The following HDAC5 variants were observed in gnomAD, a reference collection of about 807,000 sequenced individuals.
HDAC5 encodes antigen NY-CO-9.
A neutral mutation model predicts 133.3 loss-of-function variants in HDAC5; 25 were observed. The observed-to-expected ratio is 0.19, with a 90% CI of 0.14 to 0.26. The LOEUF (loss-of-function observed/expected upper bound fraction) is 0.26. Among genes scored for constraint, HDAC5 ranks in the 10% least tolerant of loss-of-function variants. HDAC5 has a pLI of 1.00. For synonymous variants in HDAC5, 589 were observed against 610.8 expected (o/e 0.96, Z 0.53); for missense variants, 1,041 against 1,460.5 (o/e 0.71, Z 4.68).
intron 3 of HDAC5, among the ~76,000 whole-genome samples, chr17:44,103,544 G>C (rs2051747019): frequency 6.6e-6 from 1 of 152,146 alleles, no homozygotes; most frequent in Admixed American, 6.5e-5. Context: ...CCAACACCCA[G>C]GGTAGTTAGG....
intron 2 of HDAC5, among the ~76,000 whole-genome samples, chr17:44,114,447 G>T (rs577015389): frequency 2.6e-4 from 40 of 152,280 alleles, no homozygotes; most frequent in East Asian, 2.1e-3. Flanking sequence ...TGGGGGGGGG[G>T]GGCTGCTGCC....
chr17:44,088,400 AGCT>A lies in HDAC5; in HGVS notation c.1583_1585del (p.Gln528del). The A allele has an allele frequency of 1.3e-6, 2 of 1,553,670 alleles. No individual in the cohort carries two copies. Among genetic ancestry groups the A allele is most frequent in the Non-Finnish European group, 8.7e-7 (1 of 1,149,336 alleles). On this transcript the variant is annotated inframe_deletion, in exon 12 of 27. Coordinates refer to ENST00000682912, the MANE Select transcript of HDAC5 (RefSeq NM_005474.5). Reference sequence around the variant, plus strand: ...TTCCAGGCTCACCTTGCCCAGCTGTAGCTGCTGCTGCTTCTGCTTCTCCAGGAA... The same window carrying A: ...TTCCAGGCTCACCTTGCCCAGCTGTAGCTGCTGCTTCTGCTTCTCCAGGAA...
rs1302005177 is a variant in HDAC5 at position 44,078,035 on chromosome 17, C to T, written c.*341G>A. ...ACCGACTTCCCGTTCCCTCCTCACT[C>T]GGGGGGCCCCAGAACTGGAGAGTAC... On this transcript the variant is annotated 3_prime_UTR_variant, in exon 27 of 27. Coordinates refer to ENST00000682912, the MANE Select transcript of HDAC5 (RefSeq NM_005474.5). 4.5e-5 allele frequency: 11 copies of T among 244,074 alleles called. No homozygotes were observed. The highest frequency in any genetic ancestry group is 7.5e-5 in the East Asian group (1 of 13,384). 15.1% of individuals were successfully genotyped at this position (244,074 alleles called of 1,614,324 possible). A position where few individuals can be genotyped will look rare whatever the true frequency, so the allele number is the denominator to read the frequency against.
chr17:44,120,961 G>A lies in HDAC5; in HGVS notation c.-190+2543C>T, dbSNP rs116015523. Among the ~76,000 whole-genome samples the A allele has an allele frequency of 6.9e-3, 1,052 of 152,140 alleles. 13 individuals are homozygous for A. The highest frequency in any genetic ancestry group is 0.023 in the African/African-American group (969 of 41,498). On this transcript the variant is annotated intron_variant, in intron 1 of 26. Coordinates refer to ENST00000682912, the MANE Select transcript of HDAC5 (RefSeq NM_005474.5). ...CTTGGATGTCCAGGCCCCAAACCAG[G>A]GAAAGGGGGAGGGTGACAGGGAAGG...
intron 20 of HDAC5, chr17:44,082,158 T>C (rs2143059157): frequency 6.0e-6 from 1 of 167,084 alleles, no homozygotes; most frequent in South Asian, 1.6e-4. Flanking sequence ...AACAACACCT[T>C]TGTTCACAGA....
chr17:44,109,097 C>T (rs901909030), intron 3 of HDAC5, among the ~76,000 whole-genome samples: 13 of 152,220 alleles, frequency 8.5e-5, no homozygotes, highest in Non-Finnish European at 1.8e-4. Context: ...GGTGAATGAA[C>T]AAGCTGAGGA....
In HDAC5 at chr17:44,123,556, G is replaced by A. The variant is rs1462525584; in HGVS notation, c.-242C>T. On this transcript the variant is annotated 5_prime_UTR_variant, in exon 1 of 27. Transcript: ENST00000682912. Reference sequence around the variant, plus strand: ...GGGCGGCGGCGGCAGCAGCGGCGGCGGCAGCGGCGGCAGCACCTCCTCGAC... The same window carrying A: ...GGGCGGCGGCGGCAGCAGCGGCGGCAGCAGCGGCGGCAGCACCTCCTCGAC... 4 of 401,360 alleles carry A rather than the reference G, an allele frequency of 1.0e-5. No homozygotes were observed. The highest frequency in any genetic ancestry group is 8.8e-5 in the Admixed American group (2 of 22,654). The allele number at this position is 401,360 out of a possible 1,614,324, so 24.9% of individuals were successfully genotyped here.
In HDAC5 at chr17:44,080,683, T is replaced by C. The variant is rs1038712193; in HGVS notation, c.2727+80A>G. Reference sequence around the variant, plus strand: ...CCAGGTACCAACACCACCATGGGCCTCCGTGGCTCCCCGCCAGGTCCCATT... The same window carrying C: ...CCAGGTACCAACACCACCATGGGCCCCCGTGGCTCCCCGCCAGGTCCCATT... On this transcript the variant is annotated intron_variant, in intron 21 of 26. Transcript: ENST00000682912. 2.5e-6 allele frequency: 4 copies of C among 1,593,428 alleles called. No individual in the cohort carries two copies. The African/African-American group carries it at 5.4e-5, about 21-fold the overall frequency.
Position 44,091,777 on chromosome 17 carries a change from G to A in HDAC5, c.1087C>T (p.Leu363Phe), listed in dbSNP as rs757894021. The A allele has an allele frequency of 6.2e-7, 1 of 1,602,214 alleles. No homozygotes were observed. Among genetic ancestry groups the A allele is most frequent in the South Asian group, 1.1e-5 (1 of 89,284 alleles). Residue 363 changes from leucine (L) to phenylalanine (F), a missense_variant, in exon 10 of 27, where the codon CTC becomes TTC. This residue lies in a region of HDAC5 where 433 missense variants were observed against 531.6 expected (regional missense o/e 0.81). Transcript: ENST00000682912. Reference protein sequence around the residue: ...PLDSSPNQFSLYTSPSLPNIS... With the variant: ...PLDSSPNQFSFYTSPSLPNIS... ...TTGGGCAGAGAAGGAGACGTGTAGAGGCTGAACTGGTTGGGGGAGCTGTCC... is the reference window on the plus strand; with the variant it reads ...TTGGGCAGAGAAGGAGACGTGTAGAAGCTGAACTGGTTGGGGGAGCTGTCC...
Position 44,117,317 on chromosome 17 carries a change from C to T in HDAC5, c.22+177G>A, listed in dbSNP as rs1359228133. 6.6e-6 allele frequency among the ~76,000 whole-genome samples: 1 copy of T among 152,202 alleles called. No homozygotes were observed. The highest frequency in any genetic ancestry group is 1.5e-5 in the Non-Finnish European group (1 of 68,040). The stretch of plus-strand genomic sequence containing the variant: ...CCCAGGACCAGACCGGACCATCGAT[C>T]CCTCGATTCCCAGGTCTACCTCATG... On this transcript the variant is annotated intron_variant, in intron 2 of 26. Coordinates refer to ENST00000682912, the MANE Select transcript of HDAC5 (RefSeq NM_005474.5). The surrounding 1 kb of genome is among the most constrained non-coding windows in gnomAD (Gnocchi z 4.2).
intron 2 of HDAC5, among the ~76,000 whole-genome samples, chr17:44,112,933 T>A (rs1386503642): frequency 6.6e-6 from 1 of 152,082 alleles, no homozygotes; most frequent in Non-Finnish European, 1.5e-5. Flanking sequence ...TGGCTGGGGA[T>A]CTTGTTCACC....
chr17:44,110,908 A>G (rs1024858034), intron 2 of HDAC5, 108 bp from the exon 3 acceptor site: 2 of 902,576 alleles, frequency 2.2e-6, no homozygotes, highest in Middle Eastern at 3.0e-4. Flanking sequence ...AGAGGCGGGG[A>G]GCAGACCGAA....
chr17:44,097,999 C>T (rs2051373444), intron 3 of HDAC5, among the ~76,000 whole-genome samples: 1 of 152,254 alleles, frequency 6.6e-6, no homozygotes, highest in African/African-American at 2.4e-5. Flanking sequence ...AGCCTCGTTC[C>T]CATGCAAACA....
chr17:44,104,260 C>T (rs1485269117), intron 3 of HDAC5, among the ~76,000 whole-genome samples: 1 of 151,942 alleles, frequency 6.6e-6, no homozygotes, highest in Non-Finnish European at 1.5e-5. Context: ...GCTGAGATTG[C>T]ACTACTGCAC....
At chr17:44,083,457 CT>C (rs1228703275) in intron 18 of HDAC5, 87 bp downstream of exon 18, 2 of 922,456 alleles carry the variant, frequency 2.2e-6, no homozygotes, top group African/African-American at 3.3e-5. Flanking sequence ...CAGTGCCTCA[CT>C]GAAAGGATCC....
At chr17:44,103,301 C>T (rs1376115881) in intron 3 of HDAC5, among the ~76,000 whole-genome samples, 1 of 152,176 alleles carries the variant, frequency 6.6e-6, no homozygotes, top group African/African-American at 2.4e-5. Context: ...CAGGTTCTAC[C>T]ACAATTCAGA....
rs955701823 is a variant in HDAC5, at chr17:44,123,564, C to T, written c.-250G>A. 9 of 402,228 alleles carry T rather than the reference C, an allele frequency of 2.2e-5. No individual in the cohort carries two copies. The highest frequency in any genetic ancestry group is 3.9e-5 in the Non-Finnish European group (9 of 229,838). 24.9% of individuals were successfully genotyped at this position (402,228 alleles called of 1,614,324 possible). On this transcript the variant is annotated 5_prime_UTR_variant, in exon 1 of 27. Transcript: ENST00000682912. ...GCGGCAGCAGCGGCGGCGGCAGCGG[C>T]GGCAGCACCTCCTCGACGGCTCCTC...
At chr17:44,093,916 A>G (rs2051100920) in intron 3 of HDAC5, 82 bp from the exon 4 acceptor site, 3 of 1,417,018 alleles carry the variant, frequency 2.1e-6, no homozygotes, top group South Asian at 3.3e-5. Context: ...GCTACCACGC[A>G]GGATTCTAGG....
Position 44,080,593 on chromosome 17 carries a change from G to T in HDAC5, c.2728-95C>A. 3 of 1,482,320 alleles carry T rather than the reference G, an allele frequency of 2.0e-6. No homozygotes were observed. In the South Asian group the frequency reaches 3.5e-5, roughly 17 times the overall value. The allele number at this position is 1,482,320 out of a possible 1,614,324, so 91.8% of individuals were successfully genotyped here. ...CCCTGCCTCCAGATCTCACTCCACT[G>T]ACCTCTGCTCTGCCTGGAGGGGCAG... On this transcript the variant is annotated intron_variant, in intron 21 of 26. Transcript: ENST00000682912.
Sources: gnomAD v4.1 joint callset for allele counts (sites outside exome capture counted in the v4.1 genomes callset) on GRCh38, gnomAD v4.1.1 for gene constraint, gnomAD v4.1.1 regional missense constraint, Gnocchi (gnomAD v3.1) non-coding constraint, MANE v1.5 for transcripts, NCBI Gene and HGNC (gene_info 2026-07-23, HGNC 2026-07-21) for gene names.